Variants in MAP4K4 observed in about 807,000 individuals in gnomAD.
The protein encoded by MAP4K4 is HPK/GCK-like kinase HGK.
MAP4K4 carries 38 observed loss-of-function variants against 189.6 expected under a neutral mutation model. The ratio of observed to expected loss-of-function variants is 0.20; its 90% CI spans 0.15 to 0.26. The LOEUF (loss-of-function observed/expected upper bound fraction) is 0.26, where lower values mean the gene tolerates loss of function less well. MAP4K4 is among the 10% of genes least tolerant of loss of function. The pLI, the probability that MAP4K4 is intolerant of heterozygous loss-of-function variation, is 1.00. For synonymous variants in MAP4K4, 610 were observed against 624.3 expected, an observed-to-expected ratio of 0.98 and a Z score of 0.34; for missense variants, 1,054 against 1,726.9, an observed-to-expected ratio of 0.61 and a Z score of 6.91.
chr2:101,847,399 A>T (rs1406294095), intron 12 of MAP4K4, among the ~76,000 whole-genome samples: 1 of 152,194 alleles, frequency 6.6e-6, no homozygotes, highest in Admixed American at 6.5e-5. Flanking sequence ...AGAAGAAGGC[A>T]TTGTGATCAT....
chr2:101,797,920 G>A (rs1338828184), intron 3 of MAP4K4, among the ~76,000 whole-genome samples: 1 of 28,840 alleles, frequency 3.5e-5, no homozygotes, highest in African/African-American at 1.7e-4. Flanking sequence ...TGGAGACCAA[G>A]GTCTTACTCT....
At chr2:101,729,101 A>AGAGAGAGAGAGAGTGTGT (rs149283961) in intron 2 of MAP4K4, among the ~76,000 whole-genome samples, 2 of 130,504 alleles carry the variant, frequency 1.5e-5, no homozygotes, top group African/African-American at 6.2e-5. Flanking sequence ...AGAGAGAGAG[A>AGAGAGAGAGAGAGTGTGT]GTGTGTGTGT....
At chr2:101,772,366 G>T (rs1273480696) in intron 2 of MAP4K4, among the ~76,000 whole-genome samples, 1 of 152,190 alleles carries the variant, frequency 6.6e-6, no homozygotes, top group Admixed American at 6.5e-5. Context: ...TTTAAACTTG[G>T]TTAACTTTAG....
intron 2 of MAP4K4, among the ~76,000 whole-genome samples, chr2:101,713,719 A>AC (rs34873107): frequency 0.28 from 42,453 of 150,838 alleles, 6,670 homozygotes; most frequent in South Asian, 0.49. Context: ...GCATGGCGAA[A>AC]CCCCGTCTCT....
chr2:101,884,254 T>G, intron 28 of MAP4K4, among the ~76,000 whole-genome samples: 1 of 152,134 alleles, frequency 6.6e-6, no homozygotes, highest in Non-Finnish European at 1.5e-5. Flanking sequence ...ACCTTAAAAT[T>G]TAGCTCCTCA....
chr2:101,800,636 A>G (rs2148968679), intron 3 of MAP4K4, among the ~76,000 whole-genome samples: 1 of 152,288 alleles, frequency 6.6e-6, no homozygotes, highest in East Asian at 1.9e-4. Flanking sequence ...GTTCAGATAT[A>G]ATTTTGGTTC....
At chr2:101,827,199 C>T (rs969323636) in intron 5 of MAP4K4, among the ~76,000 whole-genome samples, 4 of 152,092 alleles carry the variant, frequency 2.6e-5, no homozygotes, top group African/African-American at 9.7e-5. Flanking sequence ...GAGTGTGGTA[C>T]GTGAATGAAC....
intron 3 of MAP4K4, among the ~76,000 whole-genome samples, chr2:101,807,959 C>G (rs942299636): frequency 6.6e-6 from 1 of 152,218 alleles, no homozygotes; most frequent in African/African-American, 2.4e-5. Flanking sequence ...CCAGGCCCTA[C>G]CTCCAGCATT....
chr2:101,728,118 A>G (rs1196759067), intron 2 of MAP4K4, among the ~76,000 whole-genome samples: 1 of 152,212 alleles, frequency 6.6e-6, no homozygotes, highest in Non-Finnish European at 1.5e-5. Context: ...AGGCTAAGTA[A>G]GTAATCTCCC....
intron 20 of MAP4K4, 161 bp from the exon 21 acceptor site, chr2:101,867,868 G>A: frequency 8.9e-6 from 6 of 674,848 alleles, no homozygotes; most frequent in Non-Finnish European, 1.6e-5. Flanking sequence ...ATGTAATTGT[G>A]CACGCTTTGT....
At chr2:101,879,469 A>T (rs1206204263) in intron 27 of MAP4K4, among the ~76,000 whole-genome samples, 1 of 152,166 alleles carries the variant, frequency 6.6e-6, no homozygotes, top group Non-Finnish European at 1.5e-5. Context: ...ATCTCACAAG[A>T]TGGAAACAAA....
rs2076098125 is a variant in MAP4K4, at chr2:101,760,925, T to G, written c.124-29795T>G. Among the ~76,000 whole-genome samples the G allele has an allele frequency of 1.3e-5, 2 of 152,004 alleles. 1 individual carries two copies. The highest frequency in any genetic ancestry group is 1.3e-4 in the Admixed American group (2 of 15,262). On this transcript the variant is annotated intron_variant, in intron 2 of 32. Transcript: ENST00000324219. ...GGCTGAGGCAGCAGAATCGCTTGAA[T>G]CTGGGAGGCGGAGGTTGCCGTGAAC...
chr2:101,732,113 TTAG>T (rs1337275864), intron 2 of MAP4K4, among the ~76,000 whole-genome samples: 1 of 152,100 alleles, frequency 6.6e-6, no homozygotes, highest in Non-Finnish European at 1.5e-5. Context: ...TTAATATAAT[TTAG>T]TATTATTTAT....
intron 2 of MAP4K4, among the ~76,000 whole-genome samples, chr2:101,761,914 A>G (rs2076636444): frequency 6.6e-6 from 1 of 152,130 alleles, no homozygotes; most frequent in African/African-American, 2.4e-5. Flanking sequence ...ACCGAGCTAC[A>G]TTCAGCGCTG....
rs539627612 is a variant in MAP4K4, at chr2:101,723,448, A to G, written c.123+24910A>G. ...GGCTTTGGATAAGCAGAGACGGTAG[A>G]TAAAGTAGGTTCTAATTTGCTTTTT... is the stretch of plus-strand genomic sequence containing the variant. On this transcript the variant is annotated intron_variant, in intron 2 of 32. Transcript: ENST00000324219. Among the ~76,000 whole-genome samples, 469 of 152,318 alleles carry G rather than the reference A, an allele frequency of 3.1e-3. 2 individuals carry two copies. The highest frequency in any genetic ancestry group is 0.011 in the African/African-American group (453 of 41,556).
At chr2:101,702,871 C>T (rs928812103) in intron 2 of MAP4K4, among the ~76,000 whole-genome samples, 3 of 152,078 alleles carry the variant, frequency 2.0e-5, no homozygotes, top group Non-Finnish European at 2.9e-5. Flanking sequence ...TTTGCTCATT[C>T]GATGCCCATT....
chr2:101,891,080 G>A, intron 32 of MAP4K4, 86 bp from the exon 33 acceptor site: 1 of 1,032,530 alleles, frequency 9.7e-7, no homozygotes, highest in South Asian at 1.3e-5. Flanking sequence ...ACTTGACAGT[G>A]TTGAGGATGA....
chr2:101,732,998 C>T (rs1198028175), intron 2 of MAP4K4, among the ~76,000 whole-genome samples: 2 of 152,236 alleles, frequency 1.3e-5, no homozygotes, highest in African/African-American at 4.8e-5. Context: ...CAGCCCGAGC[C>T]CTGTGTCACT....
chr2:101,850,395 T>A (rs756311558), intron 12 of MAP4K4, among the ~76,000 whole-genome samples: 5 of 152,228 alleles, frequency 3.3e-5, no homozygotes, highest in Non-Finnish European at 7.3e-5. Context: ...GTGCCATGCA[T>A]GCATTATGTG....
Sources: allele counts gnomAD v4.1 joint callset (sites outside exome capture counted in the v4.1 genomes callset), GRCh38; gene constraint gnomAD v4.1.1; transcripts MANE v1.5; gene names NCBI Gene and HGNC (gene_info 2026-07-23, HGNC 2026-07-21).